SLC4A10: variants seen among roughly 807,000 people sequenced by gnomAD.
SLC4A10 encodes solute carrier family 4 member 10.
A neutral mutation model predicts 137.7 loss-of-function variants in SLC4A10; 42 were observed. That is an observed-to-expected ratio of 0.30 (90% CI 0.24 to 0.39). SLC4A10 has a LOEUF of 0.39. Ranked by LOEUF, SLC4A10 falls within the 10% of genes least tolerant of loss-of-function variation. The pLI is 1.00. For synonymous variants in SLC4A10, 474 were observed against 464.1 expected (o/e 1.02, Z -0.27); for missense variants, 925 against 1,355.0 (o/e 0.68, Z 4.98).
chr2:161,700,533 A>G (rs745942532), intron 1 of SLC4A10, among the ~76,000 whole-genome samples: 2 of 152,158 alleles, frequency 1.3e-5, no homozygotes, highest in Non-Finnish European at 2.9e-5. Flanking sequence ...CTTAATAGTG[A>G]AGATGATAAC....
Position 161,983,359 on chromosome 2 carries a change from A to T in SLC4A10, c.*207A>T. On this transcript the variant is annotated 3_prime_UTR_variant, in exon 27 of 27. Transcript: ENST00000446997. ...TCCCTCAACCCAAATCCACCTTCAT[A>T]CTGTAAGTAGTGCAATACTTGTTTC... 1.1e-6 allele frequency: 1 copy of T among 885,944 alleles called. No individual in the cohort carries two copies. Among genetic ancestry groups the T allele is most frequent in the Admixed American group, 2.4e-5 (1 of 41,048 alleles). The allele number at this position is 885,944 out of a possible 1,614,324, so 54.9% of individuals were successfully genotyped here. A position where few individuals can be genotyped will look rare whatever the true frequency, so the allele number is the denominator to read the frequency against.
chr2:161,697,449 T>C (rs1303574317), intron 1 of SLC4A10, among the ~76,000 whole-genome samples: 1 of 152,102 alleles, frequency 6.6e-6, no homozygotes, highest in African/African-American at 2.4e-5. Context: ...GTCTAACATG[T>C]AAGTCTTTAA....
At chr2:161,630,329 G>T (rs567025565) in intron 1 of SLC4A10, among the ~76,000 whole-genome samples, 4 of 151,828 alleles carry the variant, frequency 2.6e-5, no homozygotes, top group East Asian at 3.9e-4. Context: ...TTGGTATTAG[G>T]GTGATGGCCT....
chr2:161,942,726 CA>C, intron 15 of SLC4A10, 65 bp from the exon 16 acceptor site: 1 of 1,205,514 alleles, frequency 8.3e-7, no homozygotes, highest in South Asian at 1.3e-5. Context: ...AGCCGTTATA[CA>C]TTAGTCTTCG....
chr2:161,859,822 T>G (rs549489249), intron 5 of SLC4A10, among the ~76,000 whole-genome samples: 4 of 151,818 alleles, frequency 2.6e-5, no homozygotes, highest in East Asian at 1.9e-4. Flanking sequence ...GGATGGTCTC[T>G]ATCCCCTGAC....
At chr2:161,931,210 C>A (rs922767481) in intron 15 of SLC4A10, 3 of 152,292 alleles carry the variant, frequency 2.0e-5, no homozygotes, top group African/African-American at 7.2e-5. Flanking sequence ...GGCTGATTGG[C>A]TGTTGCCACA....
At chr2:161,697,816 A>G in intron 1 of SLC4A10, among the ~76,000 whole-genome samples, 1 of 152,194 alleles carries the variant, frequency 6.6e-6, no homozygotes, top group South Asian at 2.1e-4. Flanking sequence ...TATGAACTTT[A>G]AAGTAGTTTT....
chr2:161,952,491 A>G (rs978180515), intron 19 of SLC4A10, among the ~76,000 whole-genome samples: 1 of 152,238 alleles, frequency 6.6e-6, no homozygotes, highest in Non-Finnish European at 1.5e-5. Flanking sequence ...TGTCACTGAA[A>G]TAAACCTGAG....
chr2:161,664,102 T>C (rs986042746), intron 1 of SLC4A10, among the ~76,000 whole-genome samples: 2 of 152,004 alleles, frequency 1.3e-5, no homozygotes, highest in African/African-American at 4.8e-5. Flanking sequence ...TGTGGTCTAC[T>C]GGACATGAAA....
At chr2:161,702,115 A>G (rs536104522) in intron 1 of SLC4A10, among the ~76,000 whole-genome samples, 3 of 152,098 alleles carry the variant, frequency 2.0e-5, no homozygotes, top group Non-Finnish European at 2.9e-5. Context: ...TGTTTATTGC[A>G]GCATTTCACA....
intron 15 of SLC4A10, among the ~76,000 whole-genome samples, chr2:161,936,772 A>G (rs1691657290): frequency 6.6e-6 from 1 of 152,146 alleles, no homozygotes; most frequent in Non-Finnish European, 1.5e-5. Flanking sequence ...ATAGAATAGA[A>G]TGTTCTATTT....
At chr2:161,685,257 T>C (rs2041258935) in intron 1 of SLC4A10, among the ~76,000 whole-genome samples, 1 of 152,190 alleles carries the variant, frequency 6.6e-6, no homozygotes, top group Non-Finnish European at 1.5e-5. Flanking sequence ...GTGCATTACA[T>C]ATGTCATCTC....
chr2:161,926,301 A>T (rs1689066662), intron 15 of SLC4A10, among the ~76,000 whole-genome samples: 1 of 136,768 alleles, frequency 7.3e-6, no homozygotes, highest in Admixed American at 7.5e-5. Flanking sequence ...CTTTACCATT[A>T]TGTAATGGCC....
rs2043564448 is a variant in SLC4A10, at chr2:161,705,542, T to C, written c.49-65431T>C. ...GCTTTTTACTCTGCTGTGGTCTGAA[T>C]GTTCTTGCATCTCCAAAGTTCATAT... On this transcript the variant is annotated intron_variant, in intron 1 of 26. Coordinates refer to ENST00000446997, the MANE Select transcript of SLC4A10 (RefSeq NM_001178015.2). Among the ~76,000 whole-genome samples, 7 of 151,834 alleles carry C rather than the reference T, an allele frequency of 4.6e-5. No individual in the cohort carries two copies. In the South Asian group the frequency reaches 1.4e-3, roughly 31 times the overall value.
At chr2:161,941,802 C>T (rs1370557595) in intron 15 of SLC4A10, among the ~76,000 whole-genome samples, 1 of 152,102 alleles carries the variant, frequency 6.6e-6, no homozygotes. Flanking sequence ...GGGGGTGTTA[C>T]AGGGTGTGGC....
intron 15 of SLC4A10, among the ~76,000 whole-genome samples, chr2:161,936,944 CT>C (rs1691684761): frequency 6.6e-6 from 1 of 152,040 alleles, no homozygotes; most frequent in Non-Finnish European, 1.5e-5. Context: ...ATCTTTCTCC[CT>C]TTTTGATGTA....
At chr2:161,699,185 AT>A (rs1426003086) in intron 1 of SLC4A10, among the ~76,000 whole-genome samples, 1 of 151,852 alleles carries the variant, frequency 6.6e-6, no homozygotes, top group African/African-American at 2.4e-5. Flanking sequence ...TGCCTGGCTA[AT>A]TTTTTGTATT....
chr2:161,741,986 T>A (rs545209286), intron 1 of SLC4A10, among the ~76,000 whole-genome samples: 5 of 152,202 alleles, frequency 3.3e-5, no homozygotes, highest in Admixed American at 3.3e-4. Context: ...TACTACATTT[T>A]CCAGCCTCTG....
intron 4 of SLC4A10, among the ~76,000 whole-genome samples, chr2:161,843,737 C>T (rs2059332380): frequency 6.6e-6 from 1 of 152,072 alleles, no homozygotes; most frequent in African/African-American, 2.4e-5. Flanking sequence ...TTAGCATCAC[C>T]ATTTAAAGCA....
Sources: gnomAD v4.1 joint callset for allele counts (sites outside exome capture counted in the v4.1 genomes callset) on GRCh38, gnomAD v4.1.1 for gene constraint, MANE v1.5 for transcripts, NCBI Gene and HGNC (gene_info 2026-07-23, HGNC 2026-07-21) for gene names.